U2SURP: variants seen among roughly 807,000 people sequenced by gnomAD.
The protein encoded by U2SURP is U2 snRNP-associated SURP motif-containing protein.
Under a neutral mutation model 144.9 loss-of-function variants are expected in U2SURP, and 9 were observed. The ratio of observed to expected loss-of-function variants is 0.06; its 90% CI spans 0.04 to 0.11. U2SURP has a LOEUF of 0.11. Among genes scored for constraint, U2SURP ranks in the 10% least tolerant of loss-of-function variants. The pLI is 1.00. For synonymous variants in U2SURP, 408 were observed against 396.8 expected, an observed-to-expected ratio of 1.03 and a Z score of -0.33; for missense variants, 724 against 1,226.7, an observed-to-expected ratio of 0.59 and a Z score of 6.12.
chr3:143,025,921 A>G (rs1007647962), intron 13 of U2SURP: 1 of 152,158 alleles, frequency 6.6e-6, no homozygotes, highest in African/African-American at 2.4e-5. Context: ...ATAGGGCATT[A>G]TAGAGCCACA....
rs1174586466 is a variant in U2SURP at position 143,059,849 on chromosome 3, A to G, written c.*3399A>G. ...CGTGACTGTAAAATCTCACATTTAC[A>G]AAGTGCTTGATCTCTTCATATTTCA... On this transcript the variant is annotated 3_prime_UTR_variant, in exon 28 of 28. Transcript: ENST00000473835. 1.3e-5 allele frequency: 2 copies of G among 152,404 alleles called. No individual in the cohort carries two copies. Among genetic ancestry groups the G allele is most frequent in the Non-Finnish European group, 2.9e-5 (2 of 67,862 alleles). 9.4% of individuals were successfully genotyped at this position (152,404 alleles called of 1,614,324 possible).
At position 143,022,490 on chromosome 3, in the gene U2SURP, T is replaced by A. The variant is rs752347696; in HGVS notation, c.853-7T>A. ...GCATAATAAAAATCTTTTACCCTTTTTAATAGATGAATGAAGAAATGCTGT... is the reference window on the plus strand; with the variant it reads ...GCATAATAAAAATCTTTTACCCTTTATAATAGATGAATGAAGAAATGCTGT... On this transcript the variant is annotated splice_region_variant and splice_polypyrimidine_tract_variant and intron_variant, in intron 10 of 27. Coordinates refer to ENST00000473835, the MANE Select transcript of U2SURP (RefSeq NM_001080415.2). 42 of 1,531,722 alleles carry A rather than the reference T, an allele frequency of 2.7e-5. No homozygotes were observed. The highest frequency in any genetic ancestry group is 3.7e-5 in the Non-Finnish European group (42 of 1,139,394). 94.9% of individuals were successfully genotyped at this position (1,531,722 alleles called of 1,614,324 possible).
At chr3:143,010,526 G>A (rs962082919) in intron 1 of U2SURP, among the ~76,000 whole-genome samples, 1 of 152,158 alleles carries the variant, frequency 6.6e-6, no homozygotes, top group Non-Finnish European at 1.5e-5. Context: ...TGTAAAAATG[G>A]TGGTTAGGTT....
chr3:143,014,205 A>G (rs1936252912), intron 3 of U2SURP, 106 bp from the exon 4 acceptor site: 3 of 622,874 alleles, frequency 4.8e-6, no homozygotes, highest in Non-Finnish European at 7.6e-6. Flanking sequence ...TGAAATTTAA[A>G]AAAAAACGGC....
chr3:143,012,330 TCTC>T lies in U2SURP; in HGVS notation c.203_205del (p.Pro68del), dbSNP rs766280877. On this transcript the variant is annotated inframe_deletion, in exon 3 of 28. Coordinates refer to ENST00000473835, the MANE Select transcript of U2SURP (RefSeq NM_001080415.2). ...AAGTGCCCGTGAAAGCCTTTGTGAT[TCTC>T]CTCATCAGAATCTCTCAAGAGTGAG... 1.9e-6 allele frequency: 3 copies of T among 1,612,394 alleles called. No homozygotes were observed. Among genetic ancestry groups the T allele is most frequent in the African/African-American group, 2.7e-5 (2 of 74,886 alleles).
chr3:143,053,898 C>T lies in U2SURP; in HGVS notation c.2774+104C>T, dbSNP rs1935014894. The T allele has an allele frequency of 1.3e-5, 13 of 998,852 alleles. No homozygotes were observed. In the South Asian group the frequency reaches 2.6e-4, roughly 20 times the overall value. 61.9% of individuals were successfully genotyped at this position (998,852 alleles called of 1,614,324 possible). On this transcript the variant is annotated intron_variant, in intron 26 of 27. Coordinates refer to ENST00000473835, the MANE Select transcript of U2SURP (RefSeq NM_001080415.2). Reference sequence around the variant, plus strand: ...TGCCCGCAAACTGGAAGTGTTTGTTCATGATAAACTTGTTTGGGTCCTGCT... The same window carrying T: ...TGCCCGCAAACTGGAAGTGTTTGTTTATGATAAACTTGTTTGGGTCCTGCT...
At chr3:143,053,511 T>C (rs1934991344) in intron 25 of U2SURP, among the ~76,000 whole-genome samples, 165 bp from the exon 26 acceptor site, 1 of 149,082 alleles carries the variant, frequency 6.7e-6, no homozygotes, top group Admixed American at 6.8e-5. Context: ...GCAAAAGAAA[T>C]GACTAGTTTC....
At chr3:143,038,820 T>G in intron 22 of U2SURP, 74 bp from the exon 23 acceptor site, 8 of 1,089,574 alleles carry the variant, frequency 7.3e-6, no homozygotes, top group South Asian at 1.7e-5. Context: ...TTCTAAAGCT[T>G]GAGCTTCCAC....
chr3:143,006,605 A>G (rs148300036), intron 1 of U2SURP, among the ~76,000 whole-genome samples: 2,820 of 152,202 alleles, frequency 0.019, 34 homozygotes, highest in South Asian at 0.037. Context: ...AAAATACAAA[A>G]TTAGCTGGGC....
chr3:143,041,272 A>G (rs975132502), intron 23 of U2SURP, among the ~76,000 whole-genome samples: 13 of 151,990 alleles, frequency 8.6e-5, no homozygotes, highest in African/African-American at 3.1e-4. Flanking sequence ...GTATAATTTT[A>G]TGTACCATAA....
chr3:143,047,837 AG>A (rs1196975834), intron 24 of U2SURP, among the ~76,000 whole-genome samples: 1 of 68,892 alleles, frequency 1.5e-5, no homozygotes, highest in Non-Finnish European at 2.9e-5. Flanking sequence ...CGGGCAGAGG[AG>A]CCCCTCACCT....
chr3:143,012,447 GTA>G (rs898276284), intron 3 of U2SURP, 94 bp downstream of exon 3: 5 of 1,255,194 alleles, frequency 4.0e-6, no homozygotes, highest in Non-Finnish European at 5.2e-6. Flanking sequence ...ATTTGGTTTT[GTA>G]TGTGTTTCAT....
intron 25 of U2SURP, among the ~76,000 whole-genome samples, chr3:143,052,033 C>T (rs1428171365): frequency 6.6e-6 from 1 of 152,094 alleles, no homozygotes; most frequent in Non-Finnish European, 1.5e-5. Context: ...CTGCTTAGCA[C>T]CACTGTTTAA....
At position 143,004,580 on chromosome 3, in the gene U2SURP, C is replaced by CCG. The variant is rs1397185115; in HGVS notation, c.45+2908_45+2909insGC. Among the ~76,000 whole-genome samples the CCG allele has an allele frequency of 1.5e-4, 13 of 84,372 alleles. 1 individual carries two copies. Among genetic ancestry groups the CCG allele is most frequent in the Admixed American group, 5.6e-4 (5 of 8,950 alleles). The allele number at this position is 84,372 out of a possible 152,430, so 55.4% of individuals were successfully genotyped here. On this transcript the variant is annotated intron_variant, in intron 1 of 27. Coordinates refer to ENST00000473835, the MANE Select transcript of U2SURP (RefSeq NM_001080415.2). ...TGGCCTCTTGACCTTGTGACCCCCC[C>CCG]CCCCCGCCTCGGCCTCCCAAAGTGC...
At chr3:143,010,998 G>C in intron 2 of U2SURP, 139 bp downstream of exon 2, 1 of 582,756 alleles carries the variant, frequency 1.7e-6, no homozygotes, top group Non-Finnish European at 2.7e-6. Context: ...TTTTCTAGGC[G>C]CCTTCCTTTT....
intron 26 of U2SURP, 105 bp downstream of exon 26, chr3:143,053,899 A>G: frequency 2.0e-6 from 2 of 992,396 alleles, no homozygotes; most frequent in Admixed American, 6.1e-5. Flanking sequence ...GTGTTTGTTC[A>G]TGATAAACTT....
At chr3:143,042,678 TA>T (rs1233110783) in intron 23 of U2SURP, among the ~76,000 whole-genome samples, 1 of 152,194 alleles carries the variant, frequency 6.6e-6, no homozygotes, top group African/African-American at 2.4e-5. Context: ...CTTTCACTTA[TA>T]AATGAGAACA....
At chr3:143,027,551 T>G (rs1376984302) in intron 14 of U2SURP, among the ~76,000 whole-genome samples, 1 of 152,210 alleles carries the variant, frequency 6.6e-6, no homozygotes, top group Admixed American at 6.6e-5. Flanking sequence ...TTTGTCCTTT[T>G]GTGACTAGCT....
chr3:143,008,101 G>C (rs1935937268), intron 1 of U2SURP, among the ~76,000 whole-genome samples: 1 of 152,226 alleles, frequency 6.6e-6, no homozygotes, highest in Non-Finnish European at 1.5e-5. Flanking sequence ...ACACTATGCT[G>C]TTACTGCTCT....
Sources: gnomAD v4.1 joint callset for allele counts (sites outside exome capture counted in the v4.1 genomes callset) on GRCh38, gnomAD v4.1.1 for gene constraint, MANE v1.5 for transcripts, NCBI Gene and HGNC (gene_info 2026-07-23, HGNC 2026-07-21) for gene names.